The following DLG2 variants were observed in gnomAD, a reference collection of about 807,000 sequenced individuals.
DLG2 encodes disks large homolog 2.
A neutral mutation model predicts 132.5 loss-of-function variants in DLG2; 45 were observed. That is an observed-to-expected ratio of 0.34 (90% CI 0.27 to 0.44). DLG2 has a LOEUF of 0.44. Among genes scored for constraint, DLG2 ranks in the 20% least tolerant of loss-of-function variants. The pLI is 1.00. For synonymous variants in DLG2, 424 were observed against 419.6 expected (o/e 1.01, Z -0.13); for missense variants, 1,045 against 1,196.9 (o/e 0.87, Z 1.87).
chr11:83,548,285 G>GAGA (rs1199525631), intron 19 of DLG2, among the ~76,000 whole-genome samples: 1 of 152,120 alleles, frequency 6.6e-6, no homozygotes, highest in Non-Finnish European at 1.5e-5. Context: ...CAAGGGTCTT[G>GAGA]AGATGGGGAG....
intron 19 of DLG2, among the ~76,000 whole-genome samples, chr11:83,629,878 A>C (rs963392528): frequency 2.0e-5 from 3 of 152,158 alleles, no homozygotes; most frequent in African/African-American, 7.2e-5. Flanking sequence ...AAAACATTTT[A>C]TTCATATTTG....
At chr11:83,696,212 T>A (rs1222678020) in intron 18 of DLG2, among the ~76,000 whole-genome samples, 1 of 151,824 alleles carries the variant, frequency 6.6e-6, no homozygotes, top group East Asian at 1.9e-4. Context: ...ATGGCAGCAG[T>A]GGGAATGTAA....
At chr11:85,301,677 A>G (rs2079593759) in intron 3 of DLG2, among the ~76,000 whole-genome samples, 1 of 152,214 alleles carries the variant, frequency 6.6e-6, no homozygotes, top group African/African-American at 2.4e-5. Context: ...CAGGACTTGA[A>G]TCTCCTGGTT....
intron 3 of DLG2, among the ~76,000 whole-genome samples, chr11:85,470,548 C>G (rs188819417): frequency 1.5e-4 from 23 of 152,194 alleles, no homozygotes; most frequent in African/African-American, 4.8e-4. Context: ...CATGGTGAAA[C>G]CCCATCTCCA....
intron 5 of DLG2, among the ~76,000 whole-genome samples, chr11:85,150,181 G>A (rs908661242): frequency 1.9e-4 from 29 of 151,618 alleles, no homozygotes; most frequent in East Asian, 5.8e-4. Context: ...CACTATGCTC[G>A]GCTAATTTTT....
chr11:85,526,727 G>A (rs577282541), intron 3 of DLG2, among the ~76,000 whole-genome samples: 1 of 152,250 alleles, frequency 6.6e-6, no homozygotes, highest in South Asian at 2.1e-4. Flanking sequence ...GAAGAGATTA[G>A]CATTTGAATC....
chr11:83,566,779 T>G (rs993434656), intron 19 of DLG2, among the ~76,000 whole-genome samples: 1 of 151,382 alleles, frequency 6.6e-6, no homozygotes, highest in Non-Finnish European at 1.5e-5. Context: ...AGAAACATTC[T>G]TTCATTCAAA....
intron 6 of DLG2, among the ~76,000 whole-genome samples, chr11:84,813,081 G>A (rs1055276282): frequency 1.3e-5 from 2 of 151,918 alleles, no homozygotes; most frequent in African/African-American, 4.8e-5. Context: ...TAGATCCACT[G>A]GCATATATAA....
intron 2 of DLG2, among the ~76,000 whole-genome samples, chr11:85,623,531 C>A (rs1414533206): frequency 6.6e-6 from 1 of 152,168 alleles, no homozygotes; most frequent in Non-Finnish European, 1.5e-5. Context: ...TCTTGAACTC[C>A]TGACCTCATG....
intron 19 of DLG2, among the ~76,000 whole-genome samples, chr11:83,543,037 C>T (rs1478620768): frequency 6.6e-6 from 1 of 152,118 alleles, no homozygotes; most frequent in Non-Finnish European, 1.5e-5. Flanking sequence ...AAAGAAATGT[C>T]ACATCTGCTG....
In DLG2 at chr11:84,730,363, G is replaced by C. The variant is rs370518409; in HGVS notation, c.358-195632C>G. Among the ~76,000 whole-genome samples, 23 of 152,040 alleles carry C rather than the reference G, an allele frequency of 1.5e-4. No homozygotes were observed. The South Asian group carries it at 4.8e-3, about 32-fold the overall frequency. ...GTAAAAGTACCTATCAAAATGCTTGGCACATACTATTAATAAATGCTTAAT... is the reference window on the plus strand; with the variant it reads ...GTAAAAGTACCTATCAAAATGCTTGCCACATACTATTAATAAATGCTTAAT... On this transcript the variant is annotated intron_variant, in intron 6 of 27. Coordinates refer to ENST00000376104, the MANE Select transcript of DLG2 (RefSeq NM_001142699.3).
chr11:84,020,478 T>C, intron 11 of DLG2, among the ~76,000 whole-genome samples: 1 of 152,200 alleles, frequency 6.6e-6, no homozygotes, highest in East Asian at 1.9e-4. Flanking sequence ...CATGTAATAT[T>C]TGAATGTGAG....
At chr11:85,004,234 C>T (rs147980507) in intron 6 of DLG2, among the ~76,000 whole-genome samples, 106 of 152,250 alleles carry the variant, frequency 7.0e-4, no homozygotes, top group African/African-American at 2.2e-3. Flanking sequence ...GGTATATACC[C>T]AGTAATGGGA....
intron 6 of DLG2, among the ~76,000 whole-genome samples, chr11:84,588,429 T>A (rs1203230836): frequency 6.6e-6 from 1 of 152,144 alleles, no homozygotes; most frequent in Non-Finnish European, 1.5e-5. Flanking sequence ...TGGGTTTGCA[T>A]TACTAAATTT....
chr11:85,066,427 C>A (rs1182262835), intron 6 of DLG2, among the ~76,000 whole-genome samples: 3 of 151,466 alleles, frequency 2.0e-5, no homozygotes, highest in African/African-American at 7.3e-5. Flanking sequence ...GGGAGAGAAT[C>A]CTCCCTGACT....
chr11:85,176,499 C>A (rs1374334305), intron 4 of DLG2, among the ~76,000 whole-genome samples: 13 of 152,142 alleles, frequency 8.5e-5, no homozygotes, highest in African/African-American at 3.1e-4. Flanking sequence ...AAACTCAAAA[C>A]TATGAAAACC....
intron 6 of DLG2, among the ~76,000 whole-genome samples, chr11:84,832,093 A>G (rs2153995675): frequency 6.6e-6 from 1 of 151,832 alleles, no homozygotes; most frequent in South Asian, 2.1e-4. Flanking sequence ...ATCCTAACCC[A>G]TACATGAAGA....
intron 19 of DLG2, among the ~76,000 whole-genome samples, chr11:83,542,778 G>A (rs1171186020): frequency 1.3e-5 from 2 of 152,036 alleles, no homozygotes; most frequent in African/African-American, 2.4e-5. Context: ...TCCACATCCT[G>A]CTGTATATCC....
intron 4 of DLG2, among the ~76,000 whole-genome samples, chr11:85,186,370 A>G (rs1390678979): frequency 6.6e-6 from 1 of 152,006 alleles, no homozygotes; most frequent in Non-Finnish European, 1.5e-5. Flanking sequence ...AATCTGTTGC[A>G]TATTTTATAT....
Sources: allele counts gnomAD v4.1 joint callset (sites outside exome capture counted in the v4.1 genomes callset), GRCh38; gene constraint gnomAD v4.1.1; transcripts MANE v1.5; gene names NCBI Gene and HGNC (gene_info 2026-07-23, HGNC 2026-07-21).